Variants in SFTPD observed in about 807,000 individuals in gnomAD.
SFTPD encodes the protein surfactant protein D, also known as pulmonary surfactant-associated protein D.
SFTPD carries 18 observed loss-of-function variants against 34.6 expected under a neutral mutation model. That is an observed-to-expected ratio of 0.52 (90% CI 0.36 to 0.77). The LOEUF (loss-of-function observed/expected upper bound fraction) is 0.77, where lower values mean the gene tolerates loss of function less well. Ranked by LOEUF, SFTPD falls within the 30% of genes least tolerant of loss-of-function variation. The pLI is 0.00. For synonymous variants in SFTPD, 155 were observed against 180.9 expected (o/e 0.86, Z 1.15); for missense variants, 433 against 468.9 (o/e 0.92, Z 0.71).
intron 1 of SFTPD, among the ~76,000 whole-genome samples, chr10:79,957,832 C>G (rs1842748780): frequency 6.6e-6 from 1 of 152,092 alleles, no homozygotes; most frequent in Non-Finnish European, 1.5e-5. Context: ...AAGAGCAACT[C>G]CAAGACACAT....
intron 1 of SFTPD, among the ~76,000 whole-genome samples, chr10:79,977,224 G>A (rs1458487678): frequency 1.3e-5 from 2 of 152,126 alleles, no homozygotes; most frequent in East Asian, 3.9e-4. Flanking sequence ...TTTAGCAAAA[G>A]TCTCTGCAAT....
intron 1 of SFTPD, among the ~76,000 whole-genome samples, chr10:79,962,813 T>C (rs1842780941): frequency 6.6e-6 from 1 of 152,210 alleles, no homozygotes; most frequent in African/African-American, 2.4e-5. Flanking sequence ...TCCGTGCATA[T>C]AAATTTAACC....
At chr10:79,950,311 G>A (rs1456094573), upstream of SFTPD, 1 of 152,196 alleles carries the variant, frequency 6.6e-6, no homozygotes, top group Non-Finnish European at 1.5e-5. Flanking sequence ...GTGCTTTTAT[G>A]ATGAGGAGTA....
intron 1 of SFTPD, chr10:79,969,394 A>C (rs1001244966): frequency 4.0e-5 from 6 of 151,476 alleles, no homozygotes; most frequent in African/African-American, 1.5e-4. Flanking sequence ...GAATCACTTG[A>C]AACTGAAAGT....
upstream of SFTPD, among the ~76,000 whole-genome samples, chr10:79,953,424 T>G (rs1474661323): frequency 4.3e-5 from 1 of 23,148 alleles, no homozygotes; most frequent in Non-Finnish European, 9.2e-5. Context: ...ACAGGTGGGT[T>G]TTTTTTTTTT....
At chr10:79,974,175 A>AT (rs572935821) in intron 1 of SFTPD, among the ~76,000 whole-genome samples, 1 of 151,486 alleles carries the variant, frequency 6.6e-6, no homozygotes, top group Admixed American at 6.6e-5. Context: ...TTATTTATTT[A>AT]TTTTTTTTCT....
chr10:79,941,792 C>G (rs1842614066), intron 5 of SFTPD, among the ~76,000 whole-genome samples, 162 bp downstream of exon 5: 1 of 152,124 alleles, frequency 6.6e-6, no homozygotes, highest in African/African-American at 2.4e-5. Context: ...AGGAACAGTC[C>G]CCAGAGCCCC....
chr10:79,938,960 G>T (rs976397696), intron 7 of SFTPD, among the ~76,000 whole-genome samples: 1 of 152,184 alleles, frequency 6.6e-6, no homozygotes, highest in Non-Finnish European at 1.5e-5. Flanking sequence ...TGTTAGTGCT[G>T]GAGACAGCCC....
intron 2 of SFTPD, among the ~76,000 whole-genome samples, chr10:79,945,408 C>A (rs545354878): frequency 6.6e-6 from 1 of 152,258 alleles, no homozygotes; most frequent in South Asian, 2.1e-4. Context: ...TGCCCCTTAC[C>A]CCACAAAGCC....
At chr10:79,973,201 G>A (rs1286220071) in intron 1 of SFTPD, 2 of 152,032 alleles carry the variant, frequency 1.3e-5, no homozygotes, top group African/African-American at 2.4e-5. Context: ...TAAATAAATT[G>A]TACATCAAGT....
rs143187204 is a variant in SFTPD at position 79,981,946 on chromosome 10, G to C, written c.36+629C>G. On this transcript the variant is annotated intron_variant, in intron 1 of 5. Coordinates refer to the SFTPD transcript ENST00000444384. Reference sequence around the variant, plus strand: ...GCAGCCGAGACCCCTTCCTCTCCACGTCTCCTCGTCTCCTTGTCTCCCGTG... The same window carrying C: ...GCAGCCGAGACCCCTTCCTCTCCACCTCTCCTCGTCTCCTTGTCTCCCGTG... The C allele has an allele frequency of 1.7e-3, 517 of 310,764 alleles. 5 individuals are homozygous for C. The highest frequency in any genetic ancestry group is 0.011 in the African/African-American group (481 of 44,020). 19.3% of individuals were successfully genotyped at this position (310,764 alleles called of 1,614,324 possible).
chr10:79,940,240 C>T (rs1188747722), intron 7 of SFTPD, among the ~76,000 whole-genome samples: 3 of 152,174 alleles, frequency 2.0e-5, no homozygotes, highest in Admixed American at 6.5e-5. Context: ...AAATGCAGCC[C>T]GTGTTGGGTA....
chr10:79,942,331 T>A, intron 4 of SFTPD, 57 bp downstream of exon 4: 1 of 1,225,750 alleles, frequency 8.2e-7, no homozygotes, highest in Non-Finnish European at 1.2e-6. Context: ...GGTCATATCA[T>A]GGACCCTTGT....
chr10:79,977,437 C>A (rs1035771919), intron 1 of SFTPD, among the ~76,000 whole-genome samples: 20 of 151,532 alleles, frequency 1.3e-4, no homozygotes, highest in African/African-American at 4.6e-4. Context: ...AAGCAAGCAG[C>A]TTTTCTGATA....
chr10:79,938,582 T>C (rs183468394), intron 7 of SFTPD, among the ~76,000 whole-genome samples: 1 of 152,344 alleles, frequency 6.6e-6, no homozygotes, highest in East Asian at 1.9e-4. Context: ...TATACTAGAA[T>C]TGATTTCTCA....
chr10:79,954,299 G>C (rs1842727118), intron 1 of SFTPD, among the ~76,000 whole-genome samples: 1 of 152,196 alleles, frequency 6.6e-6, no homozygotes, highest in Non-Finnish European at 1.5e-5. Context: ...AGCCAGATCA[G>C]AGATTCTGGG....
upstream of SFTPD, chr10:79,950,152 A>G (rs1842701543): frequency 6.6e-6 from 1 of 152,168 alleles, no homozygotes; most frequent in South Asian, 2.1e-4. Flanking sequence ...ACCAATCTGT[A>G]TCTTTTAAGT....
chr10:79,940,741 G>GT lies in SFTPD; in HGVS notation c.714dup (p.Gln239ThrfsTer11). 6.2e-7 allele frequency: 1 copy of GT among 1,612,348 alleles called. No homozygotes were observed. Among genetic ancestry groups the GT allele is most frequent in the Non-Finnish European group, 8.5e-7 (1 of 1,178,506 alleles). The stretch of plus-strand genomic sequence containing the variant: ...TGAGAGAAAGCAGCCTGGAGGTGCT[G>GT]TACTTGTCCCTGTAAGGCCTCAACC... On this transcript the variant is annotated frameshift_variant, in exon 7 of 8. Transcript: ENST00000372292. LOFTEE classifies it low-confidence loss of function (END_TRUNC).
chr10:79,945,072 T>TGTA (rs894521285), intron 2 of SFTPD, among the ~76,000 whole-genome samples: 2 of 152,094 alleles, frequency 1.3e-5, no homozygotes, highest in African/African-American at 4.8e-5. Flanking sequence ...AGCCTCATCC[T>TGTA]GTAGCCCCAC....
Sources: allele counts gnomAD v4.1 joint callset (sites outside exome capture counted in the v4.1 genomes callset), GRCh38; gene constraint gnomAD v4.1.1; transcripts MANE v1.5; gene names NCBI Gene and HGNC (gene_info 2026-07-23, HGNC 2026-07-21).